Variants in EML1 observed in about 807,000 individuals in gnomAD.
EML1 encodes echinoderm microtubule-associated protein-like 1.
A neutral mutation model predicts 110.4 loss-of-function variants in EML1; 27 were observed. That is an observed-to-expected ratio of 0.24 (90% confidence interval 0.18 to 0.34). The LOEUF is 0.34. EML1 is among the 10% of genes least tolerant of loss of function. The pLI, the probability that EML1 is intolerant of heterozygous loss-of-function variation, is 1.00. For synonymous variants in EML1, 344 were observed against 385.8 expected, an observed-to-expected ratio of 0.89 and a Z score of 1.27; for missense variants, 741 against 1,030.9, an observed-to-expected ratio of 0.72 and a Z score of 3.85.
At chr14:99,927,748 C>T (rs979056837) in intron 17 of EML1, among the ~76,000 whole-genome samples, 4 of 100,134 alleles carry the variant, frequency 4.0e-5, no homozygotes, top group South Asian at 3.5e-4. Flanking sequence ...TAACAGTCAC[C>T]GATCAGTGGT....
chr14:99,897,334 GA>G (rs879560579), intron 7 of EML1, 40 bp downstream of exon 7: 1 of 1,551,288 alleles, frequency 6.4e-7, no homozygotes, highest in Non-Finnish European at 8.7e-7. Flanking sequence ...CTCAGAAGGC[GA>G]AGGTAGGAGG....
At chr14:99,846,473 G>A (rs1480511912) in intron 1 of EML1, among the ~76,000 whole-genome samples, 2 of 151,788 alleles carry the variant, frequency 1.3e-5, no homozygotes, top group East Asian at 3.9e-4. Context: ...AGTAGAGATG[G>A]GGTTTTGCCA....
chr14:99,874,912 C>G (rs746851210), intron 3 of EML1: 1 of 1,604,746 alleles, frequency 6.2e-7, no homozygotes, highest in Non-Finnish European at 8.5e-7. Context: ...TGCTTTATTT[C>G]TGTGCCTCTT....
intron 2 of EML1, among the ~76,000 whole-genome samples, chr14:99,863,268 C>A (rs2059032699): frequency 6.6e-6 from 1 of 152,168 alleles, no homozygotes; most frequent in East Asian, 1.9e-4. Context: ...TCCAAAATGA[C>A]TTAGGTCAGC....
At chr14:99,814,341 T>C (rs950886675) in intron 1 of EML1, among the ~76,000 whole-genome samples, 1 of 152,188 alleles carries the variant, frequency 6.6e-6, no homozygotes, top group Non-Finnish European at 1.5e-5. Context: ...CTTGGCATGA[T>C]CCTGGCTCAC....
chr14:99,740,518 G>A (rs982154993), intron 1 of EML1, among the ~76,000 whole-genome samples: 1 of 152,218 alleles, frequency 6.6e-6, no homozygotes, highest in African/African-American at 2.4e-5. Flanking sequence ...CAGAGCAGGA[G>A]CACAGCAGGA....
chr14:99,874,833 G>A (rs1039005839), intron 3 of EML1: 32 of 1,113,334 alleles, frequency 2.9e-5, no homozygotes, highest in Middle Eastern at 2.0e-4. Context: ...TGATGTGTGC[G>A]TCCTGCAATT....
rs148391002 is a variant in EML1 at position 99,830,145 on chromosome 14, T to C, written c.68-20708T>C. 3.5e-3 allele frequency among the ~76,000 whole-genome samples: 536 copies of C among 152,344 alleles called. 2 individuals carry two copies. Among genetic ancestry groups the C allele is most frequent in the African/African-American group, 0.012 (519 of 41,572 alleles). ...GAGGGTTCTAATTTCTTCGCATTCT[T>C]GCCAATGCTTGTTATTTTCATTTTT... is the stretch of plus-strand genomic sequence containing the variant. On this transcript the variant is annotated intron_variant, in intron 1 of 21. Coordinates refer to ENST00000262233, the MANE Select transcript of EML1 (RefSeq NM_004434.3).
At chr14:99,813,057 C>T (rs1053579411) in intron 1 of EML1, among the ~76,000 whole-genome samples, 7 of 152,132 alleles carry the variant, frequency 4.6e-5, no homozygotes, top group Non-Finnish European at 1.0e-4. Context: ...AAATGTAGTA[C>T]TCTGTTTGGC....
intron 1 of EML1, among the ~76,000 whole-genome samples, chr14:99,785,544 A>G (rs990131888): frequency 3.9e-5 from 6 of 152,204 alleles, no homozygotes; most frequent in African/African-American, 1.4e-4. Flanking sequence ...GAAAACTGGG[A>G]AGGGATAAAA....
chr14:99,786,733 C>T (rs1360920958), intron 1 of EML1, among the ~76,000 whole-genome samples: 5 of 152,228 alleles, frequency 3.3e-5, no homozygotes, highest in Admixed American at 2.0e-4. Flanking sequence ...GCATTTGCAG[C>T]AGGAGTGCAG....
chr14:99,856,889 A>G (rs150397416), intron 2 of EML1, among the ~76,000 whole-genome samples: 47 of 152,268 alleles, frequency 3.1e-4, no homozygotes, highest in Non-Finnish European at 6.0e-4. Context: ...CTCACCCCAT[A>G]TTGGATTATT....
chr14:99,849,399 T>C (rs1025382082), intron 1 of EML1, among the ~76,000 whole-genome samples: 1 of 152,142 alleles, frequency 6.6e-6, no homozygotes, highest in Admixed American at 6.5e-5. Flanking sequence ...TATTTGTTCT[T>C]TATCTTTGGT....
At chr14:99,806,866 T>C (rs2057985998) in intron 1 of EML1, among the ~76,000 whole-genome samples, 1 of 152,082 alleles carries the variant, frequency 6.6e-6, no homozygotes, top group African/African-American at 2.4e-5. Context: ...GGGGCATATG[T>C]TTGCTAAAGA....
Position 99,865,613 on chromosome 14 carries a change from T to C in EML1, c.350T>C (p.Val117Ala). 1 of 1,614,102 alleles carries C rather than the reference T, an allele frequency of 6.2e-7. No homozygotes were observed. The highest frequency in any genetic ancestry group is 8.5e-7 in the Non-Finnish European group (1 of 1,180,012). Residue 117 changes from valine to alanine, a missense_variant, in exon 3 of 22, where the codon GTC (valine) becomes GCC (alanine). Val to Ala is a moderately conservative substitution (Grantham distance 64, BLOSUM62 0). Coordinates refer to ENST00000262233, the MANE Select transcript of EML1 (RefSeq NM_004434.3). Reference sequence around the variant, plus strand: ...GGCTCTCTACCATCCCCCTCCGGGGTCAGGAAAGAAACTGCTGTGCCAGCA... The same window carrying C: ...GGCTCTCTACCATCCCCCTCCGGGGCCAGGAAAGAAACTGCTGTGCCAGCA... Reference protein sequence around the residue: ...PTGSLPSPSGVRKETAVPATK... With the variant: ...PTGSLPSPSGARKETAVPATK...
intron 8 of EML1, 86 bp from the exon 9 acceptor site, chr14:99,900,843 C>T: frequency 2.6e-6 from 3 of 1,146,532 alleles, no homozygotes; most frequent in Non-Finnish European, 3.9e-6. Context: ...GTCCGAGTTA[C>T]TGCCCAAGTA....
chr14:99,792,495 C>A (rs572788528), upstream of EML1, among the ~76,000 whole-genome samples: 1 of 152,180 alleles, frequency 6.6e-6, no homozygotes, highest in South Asian at 2.1e-4. Flanking sequence ...AGCATTTATA[C>A]GTGTATGGCC....
intron 1 of EML1, among the ~76,000 whole-genome samples, chr14:99,845,133 G>A (rs1595371330): frequency 6.6e-6 from 1 of 152,168 alleles, no homozygotes; most frequent in East Asian, 1.9e-4. Flanking sequence ...CCAGCAGTGG[G>A]GGAGAGTGTG....
intron 16 of EML1, among the ~76,000 whole-genome samples, chr14:99,919,601 C>A (rs192892750): frequency 2.0e-5 from 3 of 151,688 alleles, no homozygotes; most frequent in Admixed American, 2.0e-4. Flanking sequence ...TGACAGTGCT[C>A]AGAATCACAG....
Sources: allele counts gnomAD v4.1 joint callset (sites outside exome capture counted in the v4.1 genomes callset), GRCh38; gene constraint gnomAD v4.1.1; transcripts MANE v1.5; gene names NCBI Gene and HGNC (gene_info 2026-07-23, HGNC 2026-07-21).